Variants in PRKAR1B observed in about 807,000 individuals in gnomAD.
PRKAR1B encodes the protein protein kinase cAMP-dependent type I regulatory subunit beta.
PRKAR1B carries 22 observed loss-of-function variants against 46.5 expected under a neutral mutation model. The ratio of observed to expected loss-of-function variants is 0.47; its 90% CI spans 0.34 to 0.68. PRKAR1B has a LOEUF of 0.68. Ranked by LOEUF, PRKAR1B falls within the 30% of genes least tolerant of loss-of-function variation. The pLI, the probability that PRKAR1B is intolerant of heterozygous loss-of-function variation, is 0.01. For missense variants in PRKAR1B, 445 were observed against 535.6 expected (o/e 0.83, Z 1.67); for synonymous variants, 259 against 217.7 (o/e 1.19, Z -1.67).
intron 6 of PRKAR1B, among the ~76,000 whole-genome samples, chr7:596,708 C>T (rs1272184906): frequency 6.6e-6 from 1 of 152,270 alleles, no homozygotes; most frequent in Non-Finnish European, 1.5e-5. Context: ...CCTAGCTGCA[C>T]CGTGATGAGC....
chr7:624,328 G>A (rs1287976521), intron 4 of PRKAR1B, among the ~76,000 whole-genome samples: 2 of 152,140 alleles, frequency 1.3e-5, no homozygotes, highest in East Asian at 1.9e-4. Flanking sequence ...AGCTATTCAG[G>A]AGACTGAGGC....
In PRKAR1B at chr7:727,223, T is replaced by A; in HGVS notation, c.-36A>T. 1 of 1,347,248 alleles carries A rather than the reference T, an allele frequency of 7.4e-7. No homozygotes were observed. The allele number at this position is 1,347,248 out of a possible 1,614,324, so 83.5% of individuals were successfully genotyped here. Reference sequence around the variant, plus strand: ...CTCGCGCCCCACCTGGACGACGCTCTGCGCGCGCTGCGCTGCTCCCTGCTC... The same window carrying A: ...CTCGCGCCCCACCTGGACGACGCTCAGCGCGCGCTGCGCTGCTCCCTGCTC... On this transcript the variant is annotated 5_prime_UTR_variant, in exon 1 of 11. Coordinates refer to ENST00000537384, the MANE Select transcript of PRKAR1B (RefSeq NM_001164760.2).
At chr7:559,932 C>T (rs1433165799) in intron 9 of PRKAR1B, among the ~76,000 whole-genome samples, 2 of 152,112 alleles carry the variant, frequency 1.3e-5, no homozygotes, top group Non-Finnish European at 2.9e-5. Context: ...ATTAGCTGGA[C>T]GTGGTGGTAC....
At chr7:564,068 G>A (rs1332010332) in intron 9 of PRKAR1B, among the ~76,000 whole-genome samples, 1 of 152,046 alleles carries the variant, frequency 6.6e-6, no homozygotes, top group African/African-American at 2.4e-5. Context: ...TCTGATCCTG[G>A]TGTTCCCAAA....
chr7:586,311 G>A (rs1244919515), intron 7 of PRKAR1B, among the ~76,000 whole-genome samples: 2 of 151,410 alleles, frequency 1.3e-5, no homozygotes, highest in Non-Finnish European at 2.9e-5. Flanking sequence ...TCTGTCCCAC[G>A]ATGAATAGGG....
chr7:703,677 C>A (rs987666454), intron 2 of PRKAR1B, among the ~76,000 whole-genome samples: 2 of 149,818 alleles, frequency 1.3e-5, no homozygotes, highest in East Asian at 4.0e-4. Flanking sequence ...AAAAAATCAG[C>A]AGGAATGCAA....
In PRKAR1B at chr7:605,504, GC is replaced by G. The variant is rs1473930229; in HGVS notation, c.549+688del. Among the ~76,000 whole-genome samples, 11 of 152,314 alleles carry G rather than the reference GC, an allele frequency of 7.2e-5. No homozygotes were observed. The East Asian group carries it at 1.9e-3, about 27-fold the overall frequency. On this transcript the variant is annotated intron_variant, in intron 6 of 10. Coordinates refer to ENST00000537384, the MANE Select transcript of PRKAR1B (RefSeq NM_001164760.2). ...TGCGGGGCCAGGGGTGATGTCATGTGCCGTGTGTATGTGTTTATTTACTTAG... is the reference window on the plus strand; with the variant it reads ...TGCGGGGCCAGGGGTGATGTCATGTGCGTGTGTATGTGTTTATTTACTTAG...
Position 550,218 on chromosome 7 carries a change from G to C in PRKAR1B, c.*212C>G, listed in dbSNP as rs1257624515. ...TGGCCTGTCCCTTCCTTGATCTTGG[G>C]ATGCATTTTGTCCGCTTGTCCTTTG... On this transcript the variant is annotated 3_prime_UTR_variant, in exon 11 of 11. Transcript: ENST00000537384. The C allele has an allele frequency of 1.7e-6, 1 of 575,018 alleles. No homozygotes were observed. The highest frequency in any genetic ancestry group is 3.1e-6 in the Non-Finnish European group (1 of 322,040). 35.6% of individuals were successfully genotyped at this position (575,018 alleles called of 1,614,324 possible). A position where few individuals can be genotyped will look rare whatever the true frequency, so the allele number is the denominator to read the frequency against.
intron 9 of PRKAR1B, among the ~76,000 whole-genome samples, chr7:561,498 G>C (rs1026338340): frequency 1.3e-5 from 2 of 152,158 alleles, no homozygotes; most frequent in African/African-American, 4.8e-5. Context: ...TGACTCCTCG[G>C]AGCGCTCCTG....
At chr7:596,942 C>T (rs1054630869) in intron 6 of PRKAR1B, among the ~76,000 whole-genome samples, 5 of 152,266 alleles carry the variant, frequency 3.3e-5, no homozygotes, top group South Asian at 2.1e-4. Context: ...CTGGGCGCTG[C>T]GGCCGAGCTG....
intron 1 of PRKAR1B, among the ~76,000 whole-genome samples, chr7:719,934 G>GC (rs1347075691): frequency 6.6e-6 from 1 of 152,076 alleles, no homozygotes; most frequent in Non-Finnish European, 1.5e-5. Flanking sequence ...GTTGCGTGCA[G>GC]CAATTCTTTC....
At chr7:685,337 CGTATATATATGTAT>C (rs1779008702) in intron 2 of PRKAR1B, among the ~76,000 whole-genome samples, 1 of 49,646 alleles carries the variant, frequency 2.0e-5, no homozygotes, top group Non-Finnish European at 3.6e-5. Context: ...CGTATATATA[CGTATATATATGTAT>C]ACATATATAT....
chr7:592,084 G>A (rs1158354259), intron 7 of PRKAR1B, among the ~76,000 whole-genome samples: 2 of 152,160 alleles, frequency 1.3e-5, no homozygotes, highest in East Asian at 1.9e-4. Flanking sequence ...CAGGGCCTCC[G>A]TGAGGTGGAC....
Position 651,792 on chromosome 7 carries a change from C to T in PRKAR1B, c.440+25437G>A, listed in dbSNP as rs539640556. 4.3e-3 allele frequency among the ~76,000 whole-genome samples: 464 copies of T among 107,530 alleles called. 1 individual carries two copies. The highest frequency in any genetic ancestry group is 7.0e-3 in the Non-Finnish European group (370 of 52,984). The allele number at this position is 107,530 out of a possible 152,430, so 70.5% of individuals were successfully genotyped here. A position where few individuals can be genotyped will look rare whatever the true frequency, so the allele number is the denominator to read the frequency against. ...CGGAACACAGTTCACACCCACACAGCGCTAGGAACCTGGGGAAACCCCTCT... is the reference window on the plus strand; with the variant it reads ...CGGAACACAGTTCACACCCACACAGTGCTAGGAACCTGGGGAAACCCCTCT... On this transcript the variant is annotated intron_variant, in intron 4 of 10. Transcript: ENST00000537384.
intron 9 of PRKAR1B, among the ~76,000 whole-genome samples, chr7:551,712 TCTC>T (rs1784217263): frequency 8.3e-6 from 1 of 120,404 alleles, no homozygotes; most frequent in Non-Finnish European, 1.7e-5. Flanking sequence ...CCCAGGTCCT[TCTC>T]CAGAGCCACT....
rs1418583942 is a variant in PRKAR1B at position 667,307 on chromosome 7, G to A, written c.440+9922C>T. Among the ~76,000 whole-genome samples the A allele has an allele frequency of 6.6e-6, 1 of 152,170 alleles. No individual in the cohort carries two copies. The highest frequency in any genetic ancestry group is 6.5e-5 in the Admixed American group (1 of 15,284). ...ATATTCTCACAACAACCTCAAAGTAGGTTTTATTATCTTCATTTGACACCT... is the reference window on the plus strand; with the variant it reads ...ATATTCTCACAACAACCTCAAAGTAAGTTTTATTATCTTCATTTGACACCT... On this transcript the variant is annotated intron_variant, in intron 4 of 10. Coordinates refer to ENST00000537384, the MANE Select transcript of PRKAR1B (RefSeq NM_001164760.2). This position sits in a 1 kb window ranked among gnomAD's most constrained non-coding sequence, Gnocchi z 4.3.
intron 4 of PRKAR1B, among the ~76,000 whole-genome samples, chr7:648,806 G>A (rs887680016): frequency 6.6e-6 from 1 of 150,958 alleles, no homozygotes; most frequent in Non-Finnish European, 1.5e-5. Context: ...ATAAATAAAT[G>A]AAATATAAAC....
At chr7:616,092 C>T (rs1259031587) in intron 4 of PRKAR1B, among the ~76,000 whole-genome samples, 1 of 152,204 alleles carries the variant, frequency 6.6e-6, no homozygotes, top group South Asian at 2.1e-4. Context: ...GAGACCCTCC[C>T]AGGCCCAGCC....
rs560190193 is a variant in PRKAR1B, at chr7:667,947, G to A, written c.440+9282C>T. Among the ~76,000 whole-genome samples the A allele has an allele frequency of 1.1e-3, 168 of 152,290 alleles. No homozygotes were observed. The highest frequency in any genetic ancestry group is 3.7e-3 in the African/African-American group (153 of 41,564). On this transcript the variant is annotated intron_variant, in intron 4 of 10. Transcript: ENST00000537384. The surrounding 1 kb of genome is among the most constrained non-coding windows in gnomAD (Gnocchi z 4.3). ...TTGCACTATCTTCCTTTAAATCAAAGGTCTTAAACATAATTTCTACCCTTC... is the reference window on the plus strand; with the variant it reads ...TTGCACTATCTTCCTTTAAATCAAAAGTCTTAAACATAATTTCTACCCTTC...
Sources: allele counts gnomAD v4.1 joint callset (sites outside exome capture counted in the v4.1 genomes callset), GRCh38; gene constraint gnomAD v4.1.1; non-coding constraint Gnocchi (gnomAD v3.1); transcripts MANE v1.5; gene names NCBI Gene and HGNC (gene_info 2026-07-23, HGNC 2026-07-21).